The following GRM8 variants were observed in gnomAD, a reference collection of about 807,000 sequenced individuals.
GRM8 encodes glutamate metabotropic receptor 8, also known as metabotropic glutamate receptor 8.
Under a neutral mutation model 87.2 loss-of-function variants are expected in GRM8, and 47 were observed. The ratio of observed to expected loss-of-function variants is 0.54; its 90% CI spans 0.43 to 0.69. The LOEUF (loss-of-function observed/expected upper bound fraction) is 0.69, where lower values mean the gene tolerates loss of function less well. GRM8 is among the 30% of genes least tolerant of loss of function. The probability of loss-of-function intolerance (pLI) is 0.00; values close to 1 mark genes in which losing one functional copy is unlikely to be tolerated. For synonymous variants in GRM8, 396 were observed against 404.5 expected (o/e 0.98, Z 0.25); for missense variants, 1,019 against 1,139.2 (o/e 0.89, Z 1.52).
At chr7:126,954,918 A>G (rs1364447502) in intron 3 of GRM8, among the ~76,000 whole-genome samples, 1 of 152,222 alleles carries the variant, frequency 6.6e-6, no homozygotes, top group Non-Finnish European at 1.5e-5. Context: ...AGAAAGAAGA[A>G]GAGTCTGTGA....
intron 8 of GRM8, among the ~76,000 whole-genome samples, chr7:126,595,315 T>G (rs1797057440): frequency 6.6e-6 from 1 of 151,916 alleles, no homozygotes; most frequent in African/African-American, 2.4e-5. Flanking sequence ...CACGGCAACC[T>G]CCCCTTCCCC....
intron 6 of GRM8, among the ~76,000 whole-genome samples, chr7:126,866,285 G>A (rs1305839913): frequency 4.0e-5 from 6 of 151,504 alleles, no homozygotes; most frequent in African/African-American, 1.5e-4. Context: ...CTTTTATTGA[G>A]TTGTAATAGT....
chr7:126,898,428 GTTAT>G (rs1801751852), intron 6 of GRM8, among the ~76,000 whole-genome samples: 1 of 152,068 alleles, frequency 6.6e-6, no homozygotes, highest in Middle Eastern at 3.2e-3. Flanking sequence ...TTAAATTAGT[GTTAT>G]TTGTTTTCCA....
chr7:126,515,517 G>C (rs1812040651), intron 9 of GRM8, among the ~76,000 whole-genome samples: 3 of 152,058 alleles, frequency 2.0e-5, no homozygotes, highest in Non-Finnish European at 4.4e-5. Flanking sequence ...ACAACACAAA[G>C]TCACTGCCCT....
chr7:126,502,707 C>T (rs182046037), intron 9 of GRM8, among the ~76,000 whole-genome samples: 38 of 152,110 alleles, frequency 2.5e-4, no homozygotes, highest in Non-Finnish European at 5.1e-4. Context: ...TTTAATTCCA[C>T]CTTAATGGTT....
chr7:126,733,778 G>T (rs1813882310), intron 7 of GRM8, among the ~76,000 whole-genome samples: 1 of 151,966 alleles, frequency 6.6e-6, no homozygotes, highest in South Asian at 2.1e-4. Context: ...GGTCAACAGT[G>T]ACATCAGAGA....
At position 127,056,356 on chromosome 7, in the gene GRM8, T is replaced by C. The variant is rs138995421; in HGVS notation, c.727+50140A>G. On this transcript the variant is annotated intron_variant, in intron 3 of 10. Transcript: ENST00000339582. ...GAGATCACACAAACAGGCCATAAACTGTAGAAGCACATTAAATCCAAAGCT... is the reference window on the plus strand; with the variant it reads ...GAGATCACACAAACAGGCCATAAACCGTAGAAGCACATTAAATCCAAAGCT... 6.9e-3 allele frequency among the ~76,000 whole-genome samples: 1,057 copies of C among 152,296 alleles called. 7 individuals are homozygous for C. Among genetic ancestry groups the C allele is most frequent in the Non-Finnish European group, 0.011 (731 of 68,028 alleles).
chr7:126,606,736 C>T (rs1363933578), intron 8 of GRM8, among the ~76,000 whole-genome samples: 1 of 152,170 alleles, frequency 6.6e-6, no homozygotes, highest in African/African-American at 2.4e-5. Flanking sequence ...TGATCATAAT[C>T]ATGCATGAGA....
At chr7:126,572,236 G>C (rs1391051615) in intron 8 of GRM8, among the ~76,000 whole-genome samples, 2 of 152,112 alleles carry the variant, frequency 1.3e-5, no homozygotes, top group Non-Finnish European at 2.9e-5. Context: ...AGAACATGTA[G>C]AATGCATAAA....
At chr7:126,636,768 T>C (rs1041520445) in intron 7 of GRM8, among the ~76,000 whole-genome samples, 2 of 152,010 alleles carry the variant, frequency 1.3e-5, no homozygotes, top group African/African-American at 4.8e-5. Flanking sequence ...AAACACAAAA[T>C]AGGAATTTTT....
chr7:126,958,294 T>C (rs1586595233), intron 3 of GRM8, among the ~76,000 whole-genome samples: 1 of 152,112 alleles, frequency 6.6e-6, no homozygotes, highest in African/African-American at 2.4e-5. Context: ...CTCACCACAT[T>C]GCAGGCGGTG....
At chr7:126,502,118 A>G (rs1311570051) in intron 9 of GRM8, among the ~76,000 whole-genome samples, 1 of 152,032 alleles carries the variant, frequency 6.6e-6, no homozygotes, top group Non-Finnish European at 1.5e-5. Context: ...GTTGTCTTTA[A>G]ATGTTTGGGA....
intron 10 of GRM8, among the ~76,000 whole-genome samples, chr7:126,445,651 C>G (rs1332798384): frequency 6.6e-6 from 1 of 151,972 alleles, no homozygotes; most frequent in Non-Finnish European, 1.5e-5. Context: ...TGTGACTTAA[C>G]TAAACATATT....
intron 2 of GRM8, among the ~76,000 whole-genome samples, chr7:127,130,114 C>T (rs948330058): frequency 1.3e-5 from 2 of 152,136 alleles, no homozygotes; most frequent in Non-Finnish European, 2.9e-5. Context: ...GCCTTCCTTC[C>T]CCTCCCAATC....
In GRM8 at chr7:127,191,407, T is replaced by C. The variant is rs541875146; in HGVS notation, c.510+51288A>G. Among the ~76,000 whole-genome samples the C allele has an allele frequency of 6.6e-5, 10 of 152,310 alleles. No individual in the cohort carries two copies. In the South Asian group the frequency reaches 1.5e-3, roughly 22 times the overall value. On this transcript the variant is annotated intron_variant, in intron 2 of 10. Coordinates refer to ENST00000339582, the MANE Select transcript of GRM8 (RefSeq NM_000845.3). ...ATCCCTTAACCTTCTAGCAATGAAA[T>C]AGTTCCAGAGAATATAATGAATATA...
At chr7:126,828,204 T>A (rs1022462065) in intron 6 of GRM8, among the ~76,000 whole-genome samples, 1 of 152,310 alleles carries the variant, frequency 6.6e-6, no homozygotes, top group South Asian at 2.1e-4. Flanking sequence ...CCGGCTTTGG[T>A]ATCAGGATGA....
intron 3 of GRM8, among the ~76,000 whole-genome samples, chr7:127,010,497 G>GA (rs1204397843): frequency 6.6e-6 from 1 of 151,876 alleles, no homozygotes; most frequent in Non-Finnish European, 1.5e-5. Flanking sequence ...AACCAAACAA[G>GA]AAAAAATATA....
At chr7:126,944,516 C>T (rs1369916247) in intron 3 of GRM8, among the ~76,000 whole-genome samples, 1 of 152,140 alleles carries the variant, frequency 6.6e-6, no homozygotes, top group Non-Finnish European at 1.5e-5. Flanking sequence ...TTAGTTTCTA[C>T]TGTAAATATA....
intron 2 of GRM8, among the ~76,000 whole-genome samples, chr7:127,147,772 C>T (rs1828632697): frequency 1.4e-5 from 1 of 72,884 alleles, no homozygotes; most frequent in Non-Finnish European, 2.8e-5. Flanking sequence ...CAAGACTTTA[C>T]CATGTTTTTA....
Sources: gnomAD v4.1 joint callset for allele counts (sites outside exome capture counted in the v4.1 genomes callset) on GRCh38, gnomAD v4.1.1 for gene constraint, MANE v1.5 for transcripts, NCBI Gene and HGNC (gene_info 2026-07-23, HGNC 2026-07-21) for gene names.